FOXD1: variants seen among roughly 807,000 people sequenced by gnomAD.
FOXD1 encodes forkhead box protein D1.
A neutral mutation model predicts 2.0 loss-of-function variants in FOXD1; 4 were observed. The ratio of observed to expected loss-of-function variants is 2.03; its 90% confidence interval spans 1.00 to 4.64. FOXD1 has a LOEUF of 4.64. Among genes scored for constraint, FOXD1 ranks in the 30% most tolerant of loss-of-function variants. The pLI is 0.01. For synonymous variants in FOXD1, 354 were observed against 328.5 expected (o/e 1.08, Z -0.84); for missense variants, 586 against 647.6 (o/e 0.90, Z 1.03).
rs1745554789 is a variant in FOXD1 at position 73,448,412 on chromosome 5, G to A, written c.-50C>T. The A allele has an allele frequency of 2.7e-6, 3 of 1,105,962 alleles. No individual in the cohort carries two copies. The highest frequency in any genetic ancestry group is 3.3e-6 in the Non-Finnish European group (3 of 898,044). The allele number at this position is 1,105,962 out of a possible 1,614,324, so 68.5% of individuals were successfully genotyped here. A position where few individuals can be genotyped will look rare whatever the true frequency, so the allele number is the denominator to read the frequency against. ...CGGCGCATGGGGGCGCCGGGCTCCG[G>A]GCTCCCTCTGCGCCCCAGCCCGGGT... On this transcript the variant is annotated 5_prime_UTR_variant, in exon 1 of 1. Transcript: ENST00000615637.
At position 73,446,853 on chromosome 5, in the gene FOXD1, G is replaced by C. The variant is rs1193334829; in HGVS notation, c.*112C>G. The C allele has an allele frequency of 2.2e-6, 2 of 928,800 alleles. No individual in the cohort carries two copies. The highest frequency in any genetic ancestry group is 1.6e-6 in the Non-Finnish European group (1 of 623,626). The allele number at this position is 928,800 out of a possible 1,614,324, so 57.5% of individuals were successfully genotyped here. A position where few individuals can be genotyped will look rare whatever the true frequency, so the allele number is the denominator to read the frequency against. ...AATTCGCAGCGGCGAAAATGGGCGC[G>C]CGAGGTCGAGAGGGGCCGCGCCTGG... On this transcript the variant is annotated 3_prime_UTR_variant, in exon 1 of 1. Coordinates refer to ENST00000615637, the MANE Select transcript of FOXD1 (RefSeq NM_004472.3).
Position 73,447,203 on chromosome 5 carries a change from G to C in FOXD1, c.1160C>G (p.Ala387Gly). 1.1e-6 allele frequency: 1 copy of C among 906,480 alleles called. No homozygotes were observed. 56.2% of individuals were successfully genotyped at this position (906,480 alleles called of 1,614,324 possible). A position where few individuals can be genotyped will look rare whatever the true frequency, so the allele number is the denominator to read the frequency against. ...AAAAAAQAAA[A>G]AQASPSPSPV... The stretch of plus-strand genomic sequence containing the variant: ...CGAGGGCGAGGGCGAGGCCTGAGCG[G>C]CGGCGGCGGCCTGCGCGGCGGCGGC... Residue 387 changes from alanine to glycine, a missense_variant, in exon 1 of 1, where the codon GCC becomes GGC. Ala to Gly is a moderately conservative substitution (Grantham distance 60). Coordinates refer to ENST00000615637, the MANE Select transcript of FOXD1 (RefSeq NM_004472.3). This position sits in a 1 kb window ranked among gnomAD's most constrained non-coding sequence, Gnocchi z 7.8.
rs1307744811 is a variant in FOXD1 at position 73,447,515 on chromosome 5, G to T, written c.848C>A (p.Pro283Gln). 3 of 1,023,222 alleles carry T rather than the reference G, an allele frequency of 2.9e-6. No individual in the cohort carries two copies. Among genetic ancestry groups the T allele is most frequent in the Non-Finnish European group, 3.5e-6 (3 of 856,734 alleles). The allele number at this position is 1,023,222 out of a possible 1,614,324, so 63.4% of individuals were successfully genotyped here. ...PYGCGYGLQLPPYAPPSALFA... is the reference protein window; with the variant it reads ...PYGCGYGLQLQPYAPPSALFA... ...GAGGGCCGAGGGCGGCGCGTAAGGC[G>T]GCAGCTGCAGGCCGTAGCCGCAGCC... Residue 283 changes from proline (P) to glutamine (Q), a missense_variant, in exon 1 of 1, where the codon CCG (proline) becomes CAG (glutamine). Coordinates refer to ENST00000615637, the MANE Select transcript of FOXD1 (RefSeq NM_004472.3). The surrounding 1 kb of genome is among the most constrained non-coding windows in gnomAD (Gnocchi z 7.8).
rs765790973 is a variant in FOXD1, at chr5:73,447,744, C to T, written c.619G>A (p.Asp207Asn). Reference protein sequence around the residue: ...NYWTLDPESADMFDNGSFLRR... With the variant: ...NYWTLDPESANMFDNGSFLRR... ...AGGAAGCTGCCGTTGTCGAACATGT[C>T]GGCGGACTCCGGGTCCAGCGTCCAG... The change falls in exon 1 of 1, where the codon GAC becomes AAC. Residue 207 changes from aspartate (D) to asparagine (N), a missense_variant. Coordinates refer to ENST00000615637, the MANE Select transcript of FOXD1 (RefSeq NM_004472.3). The surrounding 1 kb of genome is among the most constrained non-coding windows in gnomAD (Gnocchi z 7.8). 4.3e-6 allele frequency: 7 copies of T among 1,611,008 alleles called. No individual in the cohort carries two copies. The South Asian group carries it at 4.4e-5, about 10-fold the overall frequency.
chr5:73,447,565 CG>C lies in FOXD1; in HGVS notation c.797del (p.Pro266ArgfsTer307). ...CGTAGGGGCCGTAGCCGTAGGCATG[CG>C]GGGGCGGCGGGGGCGCGGGCGGGAA... ...ALFPPAPPPPPHAYGYGPYGC... is the reference protein window; with the variant it reads ...ALFPPAPPPPXHAYGYGPYGC... On this transcript the variant is annotated frameshift_variant, in exon 1 of 1. Transcript: ENST00000615637. LOFTEE classifies it low-confidence loss of function (END_TRUNC). The surrounding 1 kb of genome is among the most constrained non-coding windows in gnomAD (Gnocchi z 7.8). 9.9e-7 allele frequency: 1 copy of C among 1,005,114 alleles called. No individual in the cohort carries two copies. The allele number at this position is 1,005,114 out of a possible 1,614,324, so 62.3% of individuals were successfully genotyped here. A position where few individuals can be genotyped will look rare whatever the true frequency, so the allele number is the denominator to read the frequency against.
In FOXD1 at chr5:73,447,196, C is replaced by T; in HGVS notation, c.1167G>A (p.Gln389=). The change falls in exon 1 of 1, where the codon CAG becomes CAA. Residue 389 remains glutamine (Q), a synonymous_variant. Transcript: ENST00000615637. The surrounding 1 kb of genome is among the most constrained non-coding windows in gnomAD (Gnocchi z 7.8). ...AAAAQAAAAA[Q]ASPSPSPVAA... is the part of the protein sequence containing the mutation. ...CCACCGGCGAGGGCGAGGGCGAGGC[C>T]TGAGCGGCGGCGGCGGCCTGCGCGG... is the stretch of plus-strand genomic sequence containing the variant. The T allele has an allele frequency of 2.0e-6, 2 of 1,001,538 alleles. No homozygotes were observed. Among genetic ancestry groups the T allele is most frequent in the Non-Finnish European group, 2.4e-6 (2 of 843,932 alleles). The allele number at this position is 1,001,538 out of a possible 1,614,324, so 62.0% of individuals were successfully genotyped here. A position where few individuals can be genotyped will look rare whatever the true frequency, so the allele number is the denominator to read the frequency against.
In FOXD1 at chr5:73,448,660, G is replaced by C. The variant is rs998683068; in HGVS notation, c.-298C>G. 2.0e-5 allele frequency: 3 copies of C among 152,462 alleles called. No homozygotes were observed. Among genetic ancestry groups the C allele is most frequent in the Non-Finnish European group, 4.4e-5 (3 of 68,316 alleles). 9.4% of individuals were successfully genotyped at this position (152,462 alleles called of 1,614,324 possible). On this transcript the variant is annotated 5_prime_UTR_variant, in exon 1 of 1. Coordinates refer to ENST00000615637, the MANE Select transcript of FOXD1 (RefSeq NM_004472.3). ...CTCCTCTCGGAGCAGCTTTTGCCCC[G>C]TCAGCTGAGGAGGGGGTGGCGGGGC...
At position 73,447,457 on chromosome 5, in the gene FOXD1, G is replaced by A; in HGVS notation, c.906C>T (p.Ala302=). ...GCGGGGGCGAGTGCGGGTGGAAGGC[G>A]GCGGCGGCGGCGGCGGCCGCTGCGG... ...FAAAAAAAAA[A]AFHPHSPPPP... Residue 302 remains alanine (A), a synonymous_variant, in exon 1 of 1, where the codon GCC becomes GCT. Coordinates refer to ENST00000615637, the MANE Select transcript of FOXD1 (RefSeq NM_004472.3). This position sits in a 1 kb window ranked among gnomAD's most constrained non-coding sequence, Gnocchi z 7.8. The A allele has an allele frequency of 1.0e-6, 1 of 989,146 alleles. No homozygotes were observed. The highest frequency in any genetic ancestry group is 4.5e-5 in the South Asian group (1 of 22,122). 61.3% of individuals were successfully genotyped at this position (989,146 alleles called of 1,614,324 possible).
Position 73,447,409 on chromosome 5 carries a change from C to G in FOXD1, c.954G>C (p.Ala318=). Residue 318 remains alanine, a synonymous_variant, in exon 1 of 1, where the codon GCG becomes GCC. Coordinates refer to ENST00000615637, the MANE Select transcript of FOXD1 (RefSeq NM_004472.3). This position sits in a 1 kb window ranked among gnomAD's most constrained non-coding sequence, Gnocchi z 7.8. The stretch of plus-strand genomic sequence containing the variant: ...AGGCGGTCCGGGCCAGCTCGGCGGC[C>G]GCGCCGTGCGGTGGCGGGGGCGGCG... ...SPPPPPPPHG[A]AAELARTAFG... is the part of the protein sequence containing the mutation. 1.0e-6 allele frequency: 1 copy of G among 981,830 alleles called. No individual in the cohort carries two copies. The highest frequency in any genetic ancestry group is 1.1e-4 in the East Asian group (1 of 8,696). The allele number at this position is 981,830 out of a possible 1,614,324, so 60.8% of individuals were successfully genotyped here. A position where few individuals can be genotyped will look rare whatever the true frequency, so the allele number is the denominator to read the frequency against.
chr5:73,448,093 C>A lies in FOXD1; in HGVS notation c.270G>T (p.Pro90=). 8.7e-7 allele frequency: 1 copy of A among 1,148,406 alleles called. No homozygotes were observed. The highest frequency in any genetic ancestry group is 1.1e-6 in the Non-Finnish European group (1 of 933,558). 71.1% of individuals were successfully genotyped at this position (1,148,406 alleles called of 1,614,324 possible). A position where few individuals can be genotyped will look rare whatever the true frequency, so the allele number is the denominator to read the frequency against. ...APPAGGSPAP[P]GPAPAAGAGA... ...CTGCCCCCGCCGCCGGGGCCGGGCC[C>A]GGGGGCGCCGGGGAGCCCCCAGCAG... Residue 90 remains proline, a synonymous_variant, in exon 1 of 1, where the codon CCG becomes CCT. Transcript: ENST00000615637.
rs1240098273 is a variant in FOXD1, at chr5:73,448,733, G to A, written c.-371C>T. 3.3e-5 allele frequency among the ~76,000 whole-genome samples: 5 copies of A among 151,544 alleles called. No individual in the cohort carries two copies. Among genetic ancestry groups the A allele is most frequent in the Admixed American group, 2.6e-4 (4 of 15,262 alleles). On this transcript the variant is annotated 5_prime_UTR_variant, in exon 1 of 1. Transcript: ENST00000615637. ...CAGGCGCCCAGGAACGTGCGGGACG[G>A]GTGAGAGTCTAAGAACAGAGCTCGG...
In FOXD1 at chr5:73,447,455, G is replaced by A; in HGVS notation, c.908C>T (p.Ala303Val). Residue 303 changes from alanine to valine, a missense_variant, in exon 1 of 1, where the codon GCC becomes GTC. This residue lies in a region of FOXD1 where 253 missense variants were observed against 234.4 expected (regional missense o/e 1.08). Transcript: ENST00000615637. This position sits in a 1 kb window ranked among gnomAD's most constrained non-coding sequence, Gnocchi z 7.8. The stretch of plus-strand genomic sequence containing the variant: ...CGGCGGGGGCGAGTGCGGGTGGAAG[G>A]CGGCGGCGGCGGCGGCGGCCGCTGC... ...AAAAAAAAAA[A>V]FHPHSPPPPP... 2.0e-6 allele frequency: 2 copies of A among 977,526 alleles called. No homozygotes were observed. The allele number at this position is 977,526 out of a possible 1,614,324, so 60.6% of individuals were successfully genotyped here. A position where few individuals can be genotyped will look rare whatever the true frequency, so the allele number is the denominator to read the frequency against.
chr5:73,447,148 G>A lies in FOXD1; in HGVS notation c.1215C>T (p.Ser405=). The change falls in exon 1 of 1, where the codon TCC becomes TCT. Residue 405 remains serine, a synonymous_variant. Coordinates refer to ENST00000615637, the MANE Select transcript of FOXD1 (RefSeq NM_004472.3). This position sits in a 1 kb window ranked among gnomAD's most constrained non-coding sequence, Gnocchi z 7.8. ...CCTGCGCCGCGCAGCCTCCTCCGCTGGATCCGGGAGCTGGCGGCGCCGCCA... is the reference window on the plus strand; with the variant it reads ...CCTGCGCCGCGCAGCCTCCTCCGCTAGATCCGGGAGCTGGCGGCGCCGCCA... ...SPVAAPPAPG[S]SGGGCAAQAA... 8.7e-7 allele frequency: 1 copy of A among 1,150,158 alleles called. No individual in the cohort carries two copies. Among genetic ancestry groups the A allele is most frequent in the South Asian group, 4.2e-5 (1 of 23,672 alleles). 71.2% of individuals were successfully genotyped at this position (1,150,158 alleles called of 1,614,324 possible). A position where few individuals can be genotyped will look rare whatever the true frequency, so the allele number is the denominator to read the frequency against.
Position 73,447,420 on chromosome 5 carries a change from G to C in FOXD1, c.943C>G (p.Pro315Ala). The C allele has an allele frequency of 1.0e-6, 1 of 983,416 alleles. No homozygotes were observed. Among genetic ancestry groups the C allele is most frequent in the Non-Finnish European group, 1.2e-6 (1 of 830,214 alleles). The allele number at this position is 983,416 out of a possible 1,614,324, so 60.9% of individuals were successfully genotyped here. Residue 315 changes from proline (P) to alanine (A), a missense_variant, in exon 1 of 1, where the codon CCG (proline) becomes GCG (alanine). Pro to Ala is a conservative substitution (Grantham distance 27). This residue lies in a region of FOXD1 where 253 missense variants were observed against 234.4 expected (regional missense o/e 1.08). Coordinates refer to ENST00000615637, the MANE Select transcript of FOXD1 (RefSeq NM_004472.3). The surrounding 1 kb of genome is among the most constrained non-coding windows in gnomAD (Gnocchi z 7.8). ...HPHSPPPPPP[P>A]HGAAAELART... ...GCCAGCTCGGCGGCCGCGCCGTGCG[G>C]TGGCGGGGGCGGCGGGGGCGAGTGC...
Position 73,447,534 on chromosome 5 carries a change from C to T in FOXD1, c.829G>A (p.Gly277Ser). ...TAAGGCGGCAGCTGCAGGCCGTAGC[C>T]GCAGCCGTAGGGGCCGTAGCCGTAG... ...HAYGYGPYGC[G>S]YGLQLPPYAP... The change falls in exon 1 of 1, where the codon GGC (glycine) becomes AGC (serine). Residue 277 changes from glycine (G) to serine (S), a missense_variant. Around this residue, in one of 4 missense-constraint regions of FOXD1, gnomAD observed 253 missense variants for 234.4 expected, o/e 1.08. Coordinates refer to ENST00000615637, the MANE Select transcript of FOXD1 (RefSeq NM_004472.3). This position sits in a 1 kb window ranked among gnomAD's most constrained non-coding sequence, Gnocchi z 7.8. 1 of 1,037,382 alleles carries T rather than the reference C, an allele frequency of 9.6e-7. No homozygotes were observed. Among genetic ancestry groups the T allele is most frequent in the Non-Finnish European group, 1.2e-6 (1 of 865,794 alleles). 64.3% of individuals were successfully genotyped at this position (1,037,382 alleles called of 1,614,324 possible). A position where few individuals can be genotyped will look rare whatever the true frequency, so the allele number is the denominator to read the frequency against.
rs918075860 is a variant in FOXD1 at position 73,448,321 on chromosome 5, G to C, written c.42C>G (p.Ala14=). The C allele has an allele frequency of 2.5e-5, 37 of 1,455,926 alleles. No individual in the cohort carries two copies. Among genetic ancestry groups the C allele is most frequent in the Admixed American group, 4.8e-5 (2 of 41,820 alleles). The allele number at this position is 1,455,926 out of a possible 1,614,324, so 90.2% of individuals were successfully genotyped here. ...CCACCACGTCGATGTCTGTTTCCTC[G>C]GCGAGGCCAGAGGCATCGGACATCT... The part of the protein sequence containing the change: ...STEMSDASGL[A]EETDIDVVGE... Residue 14 remains alanine (A), a synonymous_variant, in exon 1 of 1, where the codon GCC becomes GCG. Transcript: ENST00000615637.
chr5:73,447,380 C>T lies in FOXD1; in HGVS notation c.983G>A (p.Gly328Asp). ...AAAELARTAF[G>D]YRPHPLGAAL... Reference sequence around the variant, plus strand: ...GGCGCCGAGCGGGTGCGGCCGGTAGCCGAAGGCGGTCCGGGCCAGCTCGGC... The same window carrying T: ...GGCGCCGAGCGGGTGCGGCCGGTAGTCGAAGGCGGTCCGGGCCAGCTCGGC... The change falls in exon 1 of 1, where the codon GGC (glycine) becomes GAC (aspartate). Residue 328 changes from glycine (G) to aspartate (D), a missense_variant. Physicochemically the swap from Gly to Asp is moderately conservative, Grantham distance 94 (BLOSUM62 -1). Coordinates refer to ENST00000615637, the MANE Select transcript of FOXD1 (RefSeq NM_004472.3). This position sits in a 1 kb window ranked among gnomAD's most constrained non-coding sequence, Gnocchi z 7.8. The T allele has an allele frequency of 1.0e-6, 1 of 982,444 alleles. No homozygotes were observed. The highest frequency in any genetic ancestry group is 1.8e-5 in the African/African-American group (1 of 56,520). The allele number at this position is 982,444 out of a possible 1,614,324, so 60.9% of individuals were successfully genotyped here. A position where few individuals can be genotyped will look rare whatever the true frequency, so the allele number is the denominator to read the frequency against.
At position 73,447,674 on chromosome 5, in the gene FOXD1, T is replaced by C; in HGVS notation, c.689A>G (p.Asn230Ser). Residue 230 changes from asparagine (N) to serine (S), a missense_variant, in exon 1 of 1, where the codon AAC (asparagine) becomes AGC (serine). By Grantham distance (46) the Asn-to-Ser change is conservative. This residue lies in a region of FOXD1 where 253 missense variants were observed against 234.4 expected (regional missense o/e 1.08). Transcript: ENST00000615637. This position sits in a 1 kb window ranked among gnomAD's most constrained non-coding sequence, Gnocchi z 7.8. The part of the protein sequence containing the change: ...RFKRQPLLPP[N>S]AAAAESLLLR... ...CAGCAGAGACTCGGCGGCCGCGGCG[T>C]TGGGTGGGAGCAGCGGCTGCCGCTT... is the stretch of plus-strand genomic sequence containing the variant. 6.3e-7 allele frequency: 1 copy of C among 1,581,388 alleles called. No homozygotes were observed. The highest frequency in any genetic ancestry group is 1.8e-5 in the Admixed American group (1 of 57,116).
At position 73,448,395 on chromosome 5, in the gene FOXD1, G is replaced by T. The variant is rs1315479447; in HGVS notation, c.-33C>A. On this transcript the variant is annotated 5_prime_UTR_variant, in exon 1 of 1. Coordinates refer to ENST00000615637, the MANE Select transcript of FOXD1 (RefSeq NM_004472.3). Reference sequence around the variant, plus strand: ...GCGCGGCGGCGGCGGGGCGGCGCATGGGGGCGCCGGGCTCCGGGCTCCCTC... The same window carrying T: ...GCGCGGCGGCGGCGGGGCGGCGCATTGGGGCGCCGGGCTCCGGGCTCCCTC... 1.7e-6 allele frequency: 2 copies of T among 1,171,426 alleles called. No homozygotes were observed. Among genetic ancestry groups the T allele is most frequent in the Non-Finnish European group, 1.1e-6 (1 of 935,380 alleles). The allele number at this position is 1,171,426 out of a possible 1,614,324, so 72.6% of individuals were successfully genotyped here.
Sources: allele counts gnomAD v4.1 joint callset (sites outside exome capture counted in the v4.1 genomes callset), GRCh38; gene constraint gnomAD v4.1.1; regional missense constraint gnomAD v4.1.1; non-coding constraint Gnocchi (gnomAD v3.1); transcripts MANE v1.5; gene names NCBI Gene and HGNC (gene_info 2026-07-23, HGNC 2026-07-21).